The following MAN1A2 variants were observed in gnomAD, a reference collection of about 807,000 sequenced individuals.
MAN1A2 encodes mannosyl-oligosaccharide 1,2-alpha-mannosidase IB.
Under a neutral mutation model 75.7 loss-of-function variants are expected in MAN1A2, and 26 were observed. The ratio of observed to expected loss-of-function variants is 0.34; its 90% confidence interval spans 0.25 to 0.48. MAN1A2 has a LOEUF of 0.48. MAN1A2 is among the 20% of genes least tolerant of loss of function. MAN1A2 has a pLI of 0.99. For synonymous variants in MAN1A2, 247 were observed against 264.6 expected, an observed-to-expected ratio of 0.93 and a Z score of 0.65; for missense variants, 562 against 775.5, an observed-to-expected ratio of 0.72 and a Z score of 3.27.
At chr1:117,475,344 A>G (rs1180047076) in intron 8 of MAN1A2, among the ~76,000 whole-genome samples, 2 of 151,668 alleles carry the variant, frequency 1.3e-5, no homozygotes. Flanking sequence ...AGTTTTAGCC[A>G]TTTTATTACA....
chr1:117,415,387 C>T (rs1431875612), intron 4 of MAN1A2, among the ~76,000 whole-genome samples: 1 of 152,032 alleles, frequency 6.6e-6, no homozygotes, highest in East Asian at 1.9e-4. Flanking sequence ...GATATTTGTG[C>T]TTGCTTTTCC....
intron 1 of MAN1A2, among the ~76,000 whole-genome samples, chr1:117,374,928 A>G (rs892196206): frequency 1.3e-5 from 2 of 152,204 alleles, no homozygotes; most frequent in African/African-American, 4.8e-5. Flanking sequence ...GAAATGACTA[A>G]AATTTATTTA....
At chr1:117,380,512 A>G (rs1238052607) in intron 1 of MAN1A2, among the ~76,000 whole-genome samples, 1 of 152,150 alleles carries the variant, frequency 6.6e-6, no homozygotes, top group East Asian at 1.9e-4. Context: ...ACTCTTATTT[A>G]GGTTGTTGAT....
Position 117,414,839 on chromosome 1 carries a change from T to A in MAN1A2, c.774+8T>A. On this transcript the variant is annotated splice_region_variant and intron_variant, in intron 4 of 12. Coordinates refer to ENST00000356554, the MANE Select transcript of MAN1A2 (RefSeq NM_006699.5). ...AACCTTGATTTCAGTGTGGTGAGTG[T>A]ATGATTGATAACTAATCTCTTAGAT... 6.9e-7 allele frequency: 1 copy of A among 1,453,692 alleles called. No homozygotes were observed. The highest frequency in any genetic ancestry group is 9.7e-7 in the Non-Finnish European group (1 of 1,034,516). The allele number at this position is 1,453,692 out of a possible 1,614,324, so 90.0% of individuals were successfully genotyped here.
At chr1:117,442,685 T>A (rs1649077313) in intron 6 of MAN1A2, among the ~76,000 whole-genome samples, 1 of 152,190 alleles carries the variant, frequency 6.6e-6, no homozygotes, top group Admixed American at 6.5e-5. Context: ...CTCCCTCTTT[T>A]TCTTTTTATA....
At chr1:117,376,555 C>T (rs1157541602) in intron 1 of MAN1A2, among the ~76,000 whole-genome samples, 1 of 152,242 alleles carries the variant, frequency 6.6e-6, no homozygotes, top group African/African-American at 2.4e-5. Flanking sequence ...CTGCCACTCA[C>T]CCACCAACTC....
intron 8 of MAN1A2, among the ~76,000 whole-genome samples, chr1:117,490,220 T>G (rs1650836635): frequency 6.6e-6 from 1 of 152,028 alleles, no homozygotes; most frequent in Admixed American, 6.6e-5. Context: ...GTTTGCAAAT[T>G]GCAGATTTGT....
intron 5 of MAN1A2, among the ~76,000 whole-genome samples, chr1:117,421,239 G>GAAA (rs1648177944): frequency 6.6e-6 from 1 of 151,948 alleles, no homozygotes; most frequent in African/African-American, 2.4e-5. Flanking sequence ...TAAAGGAAGA[G>GAAA]GTTATAAGTC....
intron 1 of MAN1A2, among the ~76,000 whole-genome samples, chr1:117,389,412 T>C (rs969731720): frequency 6.6e-6 from 1 of 152,096 alleles, no homozygotes; most frequent in African/African-American, 2.4e-5. Context: ...CAGTTCAAGG[T>C]AGGGTTTGCG....
chr1:117,405,656 T>G lies in MAN1A2; in HGVS notation c.655+11T>G, dbSNP rs759792586. 1.9e-5 allele frequency: 27 copies of G among 1,432,724 alleles called. No individual in the cohort carries two copies. The South Asian group carries it at 3.0e-4, about 16-fold the overall frequency. 88.8% of individuals were successfully genotyped at this position (1,432,724 alleles called of 1,614,324 possible). A position where few individuals can be genotyped will look rare whatever the true frequency, so the allele number is the denominator to read the frequency against. ...CCCCTAACATATTTGGTAAGTTTAC[T>G]TTTTCTAATTACTATTTCCATTTTC... On this transcript the variant is annotated intron_variant, in intron 3 of 12. Transcript: ENST00000356554.
At chr1:117,482,882 T>C (rs1650544366) in intron 8 of MAN1A2, among the ~76,000 whole-genome samples, 1 of 152,144 alleles carries the variant, frequency 6.6e-6, no homozygotes, top group Non-Finnish European at 1.5e-5. Context: ...GGTCTTAGGT[T>C]TAAGTCTTTA....
chr1:117,414,603 A>G (rs1219146872), intron 3 of MAN1A2, 110 bp from the exon 4 acceptor site: 3 of 596,722 alleles, frequency 5.0e-6, no homozygotes, highest in African/African-American at 3.7e-5. Flanking sequence ...ACCTTTATAC[A>G]TAAATAATTA....
At chr1:117,483,686 C>T (rs935958863) in intron 8 of MAN1A2, among the ~76,000 whole-genome samples, 6 of 151,798 alleles carry the variant, frequency 4.0e-5, no homozygotes, top group Non-Finnish European at 5.9e-5. Flanking sequence ...CATCTGCAAA[C>T]GGACAATTTG....
intron 5 of MAN1A2, among the ~76,000 whole-genome samples, chr1:117,424,985 T>C (rs1648316357): frequency 1.3e-5 from 2 of 151,884 alleles, no homozygotes; most frequent in Non-Finnish European, 2.9e-5. Context: ...GTAAGTGATA[T>C]ATGGAGTCAG....
At chr1:117,396,314 T>C (rs1242041766) in intron 1 of MAN1A2, among the ~76,000 whole-genome samples, 3 of 152,184 alleles carry the variant, frequency 2.0e-5, no homozygotes, top group African/African-American at 7.2e-5. Flanking sequence ...TATGACACAT[T>C]ACCTCCCAGA....
intron 3 of MAN1A2, among the ~76,000 whole-genome samples, chr1:117,407,911 C>T (rs933447632): frequency 3.9e-5 from 6 of 152,076 alleles, no homozygotes; most frequent in South Asian, 2.1e-4. Context: ...AGAGAGCACT[C>T]GGATGTCTTA....
intron 1 of MAN1A2, among the ~76,000 whole-genome samples, chr1:117,398,554 G>A (rs1277588757): frequency 6.6e-6 from 1 of 151,952 alleles, no homozygotes; most frequent in Non-Finnish European, 1.5e-5. Context: ...TGTGCCTGTA[G>A]TCCCAGCTTG....
Position 117,440,674 on chromosome 1 carries a change from A to G in MAN1A2, c.856-1557A>G, listed in dbSNP as rs920446395. 6.6e-5 allele frequency among the ~76,000 whole-genome samples: 10 copies of G among 152,068 alleles called. 1 individual carries two copies. Among genetic ancestry groups the G allele is most frequent in the African/African-American group, 2.2e-4 (9 of 41,450 alleles). On this transcript the variant is annotated intron_variant, in intron 5 of 12. Coordinates refer to ENST00000356554, the MANE Select transcript of MAN1A2 (RefSeq NM_006699.5). Reference sequence around the variant, plus strand: ...AATATTTTTAGTTGAAAATTAGACAATATATTATTGGTTTATTCTGGAAGT... The same window carrying G: ...AATATTTTTAGTTGAAAATTAGACAGTATATTATTGGTTTATTCTGGAAGT...
At chr1:117,405,670 A>G in intron 3 of MAN1A2, 25 bp downstream of exon 3, 3 of 1,300,778 alleles carry the variant, frequency 2.3e-6, no homozygotes, top group East Asian at 2.3e-5. Flanking sequence ...TCTAATTACT[A>G]TTTCCATTTT....
Sources: allele counts gnomAD v4.1 joint callset (sites outside exome capture counted in the v4.1 genomes callset), GRCh38; gene constraint gnomAD v4.1.1; transcripts MANE v1.5; gene names NCBI Gene and HGNC (gene_info 2026-07-23, HGNC 2026-07-21).